CDKL5: variants seen among roughly 807,000 people sequenced by gnomAD.
CDKL5 encodes the protein cyclin dependent kinase like 5.
In CDKL5, 8 loss-of-function variants were observed where a neutral mutation model predicts 61.7. The observed-to-expected ratio is 0.13, with a 90% CI of 0.08 to 0.23. The LOEUF is 0.23. CDKL5 is among the 10% of genes least tolerant of loss of function. The pLI, the probability that CDKL5 is intolerant of heterozygous loss-of-function variation, is 1.00. For synonymous variants in CDKL5, 275 were observed against 272.3 expected, an observed-to-expected ratio of 1.01 and a Z score of -0.10; for missense variants, 440 against 734.5, an observed-to-expected ratio of 0.60 and a Z score of 4.63.
At chrX:18,597,324 G>A (rs976222000) in intron 10 of CDKL5, among the ~76,000 whole-genome samples, 23 of 109,962 alleles carry the variant, frequency 2.1e-4, no homozygotes, top group African/African-American at 7.3e-4. Flanking sequence ...TAAAGCTGCC[G>A]TGTTAATTTT....
In CDKL5 at chrX:18,630,571, A is replaced by C. The variant is rs1250502523; in HGVS notation, c.*1814A>C. 10 of 749,829 alleles carry C rather than the reference A, an allele frequency of 1.3e-5. No homozygotes were observed. In the East Asian group the frequency reaches 1.5e-3, roughly 114 times the overall value. 61.8% of individuals were successfully genotyped at this position (749,829 alleles called of 1,213,427 possible). On this transcript the variant is annotated 3_prime_UTR_variant, in exon 18 of 18. Transcript: ENST00000623535. The stretch of plus-strand genomic sequence containing the variant: ...TCTGATGATTATGAAGATTATAAAG[A>C]CTAAGGTCCTAGTTTCCCTGAAGCT...
chrX:18,633,035 G>A lies in CDKL5; in HGVS notation c.*4278G>A. ...GTGGTGACTGAACTCTTTCAGCAAG[G>A]GCAATGGCTCAATGTGATTCGGTGC... On this transcript the variant is annotated 3_prime_UTR_variant, in exon 18 of 18. Coordinates refer to ENST00000623535, the MANE Select transcript of CDKL5 (RefSeq NM_001323289.2). 1 of 753,836 alleles carries A rather than the reference G, an allele frequency of 1.3e-6. No individual in the cohort carries two copies. The allele number at this position is 753,836 out of a possible 1,213,427, so 62.1% of individuals were successfully genotyped here.
At chrX:18,594,732 A>G (rs745956164) in intron 9 of CDKL5, among the ~76,000 whole-genome samples, 8 of 112,934 alleles carry the variant, frequency 7.1e-5, no homozygotes, top group Non-Finnish European at 1.3e-4. Context: ...TGAATTGTTT[A>G]TAATCAGATG....
intron 1 of CDKL5, among the ~76,000 whole-genome samples, chrX:18,459,709 T>G (rs1932232642): frequency 1.3e-5 from 1 of 78,741 alleles, no homozygotes; most frequent in Admixed American, 1.3e-4. Context: ...TTTTTTTTTT[T>G]TTTTTTTTTT....
At chrX:18,537,294 C>T (rs1876158107) in intron 3 of CDKL5, among the ~76,000 whole-genome samples, 1 of 112,157 alleles carries the variant, frequency 8.9e-6, no homozygotes, top group South Asian at 3.7e-4. Context: ...GTCCTCACTT[C>T]CTGTTTCACA....
Position 18,632,518 on chromosome X carries a change from C to T in CDKL5, c.*3761C>T. On this transcript the variant is annotated 3_prime_UTR_variant, in exon 18 of 18. Coordinates refer to ENST00000623535, the MANE Select transcript of CDKL5 (RefSeq NM_001323289.2). ...ATTCAAGTCATTTAATAGCTCTTTA[C>T]AAATATTAGCATATGGCAGACCAAT... The T allele has an allele frequency of 4.0e-6, 3 of 754,096 alleles. No homozygotes were observed. Among genetic ancestry groups the T allele is most frequent in the Non-Finnish European group, 4.7e-6 (3 of 639,100 alleles). The allele number at this position is 754,096 out of a possible 1,213,427, so 62.1% of individuals were successfully genotyped here.
At chrX:18,594,907 G>A (rs1925941162) in intron 9 of CDKL5, among the ~76,000 whole-genome samples, 1 of 112,452 alleles carries the variant, frequency 8.9e-6, no homozygotes, top group Admixed American at 9.4e-5. Context: ...AGACGGCCGG[G>A]TGTGGTGGCT....
intron 1 of CDKL5, among the ~76,000 whole-genome samples, chrX:18,437,062 C>CTCCT (rs1931628177): frequency 9.1e-6 from 1 of 110,266 alleles, no homozygotes. Flanking sequence ...TCCTGGGAAA[C>CTCCT]GGTTGAAGAT....
intron 2 of CDKL5, among the ~76,000 whole-genome samples, chrX:18,508,665 C>T (rs1385310103): frequency 9.2e-6 from 1 of 108,860 alleles, no homozygotes; most frequent in Non-Finnish European, 1.9e-5. Context: ...GGGATTGGCT[C>T]AAAATTACCA....
At chrX:18,534,055 C>CT (rs1923739513) in intron 3 of CDKL5, among the ~76,000 whole-genome samples, 1 of 112,216 alleles carries the variant, frequency 8.9e-6, no homozygotes, top group African/African-American at 3.2e-5. Flanking sequence ...GTAGCCCCTG[C>CT]TCTGGCATCA....
intron 3 of CDKL5, among the ~76,000 whole-genome samples, chrX:18,532,497 C>T (rs1446550937): frequency 9.9e-5 from 11 of 110,922 alleles, no homozygotes; most frequent in Admixed American, 3.8e-4. Flanking sequence ...TTTGAAATCT[C>T]TAGAGACTAA....
chrX:18,554,864 T>G (rs1460935180), intron 3 of CDKL5, among the ~76,000 whole-genome samples: 1 of 111,925 alleles, frequency 8.9e-6, no homozygotes, highest in African/African-American at 3.2e-5. Flanking sequence ...CTTTTTCAAT[T>G]AAAATTTTCT....
In CDKL5 at chrX:18,631,422, G is replaced by A. The variant is rs759902785; in HGVS notation, c.*2665G>A. The stretch of plus-strand genomic sequence containing the variant: ...AGCATGCAATTCTCTTCCTGCTCAC[G>A]GAGGGGGATGCAAAAGTTTTCTCTC... On this transcript the variant is annotated 3_prime_UTR_variant, in exon 18 of 18. Transcript: ENST00000623535. The A allele has an allele frequency of 5.7e-5, 43 of 752,518 alleles. No homozygotes were observed. The highest frequency in any genetic ancestry group is 6.6e-5 in the Non-Finnish European group (42 of 638,906). The allele number at this position is 752,518 out of a possible 1,213,427, so 62.0% of individuals were successfully genotyped here. A position where few individuals can be genotyped will look rare whatever the true frequency, so the allele number is the denominator to read the frequency against.
rs1487389524 is a variant in CDKL5 at position 18,428,996 on chromosome X, G to A, written c.-163+3301G>A. 3.6e-5 allele frequency among the ~76,000 whole-genome samples: 4 copies of A among 111,035 alleles called. No individual in the cohort carries two copies. In the East Asian group the frequency reaches 1.1e-3, roughly 31 times the overall value. On this transcript the variant is annotated intron_variant, in intron 1 of 17. Transcript: ENST00000623535. ...AGATTTTAGGTTTTGATCGTTTTTAGAATTTTTTTTTATGTGTGTAGAGCA... is the reference window on the plus strand; with the variant it reads ...AGATTTTAGGTTTTGATCGTTTTTAAAATTTTTTTTTATGTGTGTAGAGCA...
chrX:18,536,635 G>A (rs1923848658), intron 3 of CDKL5, among the ~76,000 whole-genome samples: 1 of 107,778 alleles, frequency 9.3e-6, no homozygotes, highest in South Asian at 4.1e-4. Flanking sequence ...TGGTAGAGAC[G>A]GGGTTTCACC....
chrX:18,539,553 A>G (rs1923950827), intron 3 of CDKL5, among the ~76,000 whole-genome samples: 1 of 111,365 alleles, frequency 9.0e-6, no homozygotes, highest in Admixed American at 9.5e-5. Flanking sequence ...ATCGGATTCC[A>G]TTGTGGTCAG....
intron 3 of CDKL5, among the ~76,000 whole-genome samples, chrX:18,527,611 GT>G (rs1346428994): frequency 2.8e-5 from 3 of 108,372 alleles, no homozygotes; most frequent in Admixed American, 9.8e-5. Flanking sequence ...AATAATTTGT[GT>G]TTTTTTTTCT....
intron 1 of CDKL5, among the ~76,000 whole-genome samples, chrX:18,460,927 A>G (rs1417239018): frequency 2.7e-5 from 3 of 112,260 alleles, no homozygotes; most frequent in Admixed American, 9.5e-5. Context: ...ACAGTACTAC[A>G]TATAATTTCT....
intron 12 of CDKL5, 57 bp from the exon 13 acceptor site, chrX:18,608,754 G>C: frequency 1.3e-6 from 1 of 776,652 alleles, no homozygotes; most frequent in Non-Finnish European, 2.0e-6. Context: ...AGGCCATGAT[G>C]AGTTCCATCC....
Sources: gnomAD v4.1 joint callset for allele counts (sites outside exome capture counted in the v4.1 genomes callset) on GRCh38, gnomAD v4.1.1 for gene constraint, MANE v1.5 for transcripts, NCBI Gene and HGNC (gene_info 2026-07-23, HGNC 2026-07-21) for gene names.